The following SEC24D variants were observed in gnomAD, a reference collection of about 807,000 sequenced individuals.
SEC24D encodes the protein protein transport protein Sec24D.
In SEC24D, 69 loss-of-function variants were observed where a neutral mutation model predicts 116.9. The ratio of observed to expected loss-of-function variants is 0.59; its 90% CI spans 0.49 to 0.72. SEC24D has a LOEUF of 0.72. Among genes scored for constraint, SEC24D ranks in the 30% least tolerant of loss-of-function variants. The pLI is 0.00. For missense variants in SEC24D, 1,131 were observed against 1,264.1 expected (o/e 0.89, Z 1.60); for synonymous variants, 405 against 442.8 (o/e 0.91, Z 1.07).
At position 118,815,038 on chromosome 4, in the gene SEC24D, A is replaced by G. The variant is rs1213128293; in HGVS notation, c.791T>C (p.Ile264Thr). Residue 264 changes from isoleucine (I) to threonine (T), a missense_variant, in exon 6 of 23, where the codon ATC becomes ACC. Coordinates refer to ENST00000280551, the MANE Select transcript of SEC24D (RefSeq NM_014822.4). ...GAGAAGAGTACTTACTGGGCTAGGGATAGAGTCAGGATCCAGCTTCTTCTG... is the reference window on the plus strand; with the variant it reads ...GAGAAGAGTACTTACTGGGCTAGGGGTAGAGTCAGGATCCAGCTTCTTCTG... ...QPQKKLDPDSIPSPIQVIEND... is the reference protein window; with the variant it reads ...QPQKKLDPDSTPSPIQVIEND... 6.2e-7 allele frequency: 1 copy of G among 1,613,994 alleles called. No individual in the cohort carries two copies. The highest frequency in any genetic ancestry group is 8.5e-7 in the Non-Finnish European group (1 of 1,179,994).
intron 9 of SEC24D, among the ~76,000 whole-genome samples, chr4:118,765,304 T>C (rs1304850126): frequency 6.6e-6 from 1 of 152,258 alleles, no homozygotes; most frequent in African/African-American, 2.4e-5. Context: ...ATTCGTTATT[T>C]GAACTATACT....
chr4:118,758,441 G>A (rs1277494667), intron 10 of SEC24D: 1 of 152,102 alleles, frequency 6.6e-6, no homozygotes, highest in Non-Finnish European at 1.5e-5. Flanking sequence ...CGGTAACATA[G>A]AACGTCAGGC....
chr4:118,731,224 TTC>T (rs1560602878), intron 21 of SEC24D, 90 bp downstream of exon 21: 5 of 1,016,172 alleles, frequency 4.9e-6, no homozygotes, highest in Middle Eastern at 4.9e-4. Context: ...CTTATTATTT[TTC>T]TTTCTGTAAT....
intron 19 of SEC24D, among the ~76,000 whole-genome samples, chr4:118,734,449 G>A (rs1725855875): frequency 6.6e-6 from 1 of 151,998 alleles, no homozygotes; most frequent in Non-Finnish European, 1.5e-5. Flanking sequence ...CTGACCTCAA[G>A]CAATCCGCCC....
chr4:118,736,021 C>A (rs1300834910), intron 19 of SEC24D: 1 of 72,818 alleles, frequency 1.4e-5, no homozygotes, highest in South Asian at 6.4e-4. Flanking sequence ...AGTTATATGT[C>A]TTTTTTTTTT....
At chr4:118,821,287 G>A (rs2110531597) in intron 3 of SEC24D, among the ~76,000 whole-genome samples, 1 of 152,182 alleles carries the variant, frequency 6.6e-6, no homozygotes, top group Non-Finnish European at 1.5e-5. Context: ...TGGGAAGATG[G>A]GTCCACTGTT....
intron 8 of SEC24D, among the ~76,000 whole-genome samples, chr4:118,768,959 C>A (rs933025808): frequency 6.6e-6 from 1 of 152,152 alleles, no homozygotes; most frequent in Non-Finnish European, 1.5e-5. Context: ...ACATTCTAGA[C>A]AACTTGTGTC....
chr4:118,732,422 G>A (rs1000507704), intron 20 of SEC24D, among the ~76,000 whole-genome samples: 3 of 152,114 alleles, frequency 2.0e-5, no homozygotes, highest in Admixed American at 6.6e-5. Context: ...TTACAGACGT[G>A]AGCCACGGCA....
rs1343774156 is a variant in SEC24D at position 118,764,896 on chromosome 4, T to C, written c.1202A>G (p.His401Arg). Reference protein sequence around the residue: ...VNDVPPFYFQHLDHIGRRLDH... With the variant: ...VNDVPPFYFQRLDHIGRRLDH... ...CAGTCTTCTTCCAATGTGGTCCAGATGTTGGAAATAGAATGGTGGAACTAA... is the reference window on the plus strand; with the variant it reads ...CAGTCTTCTTCCAATGTGGTCCAGACGTTGGAAATAGAATGGTGGAACTAA... Residue 401 changes from histidine to arginine, a missense_variant, in exon 10 of 23, where the codon CAT becomes CGT. Physicochemically the swap from His to Arg is conservative, Grantham distance 29. Coordinates refer to ENST00000280551, the MANE Select transcript of SEC24D (RefSeq NM_014822.4). The C allele has an allele frequency of 6.2e-7, 1 of 1,603,572 alleles. No homozygotes were observed. The highest frequency in any genetic ancestry group is 2.2e-5 in the East Asian group (1 of 44,744).
intron 1 of SEC24D, among the ~76,000 whole-genome samples, chr4:118,835,214 G>A (rs1731041521): frequency 6.6e-6 from 1 of 152,194 alleles, no homozygotes; most frequent in Non-Finnish European, 1.5e-5. Context: ...AGAAAAGAGA[G>A]GCTGAGATGG....
intron 1 of SEC24D, among the ~76,000 whole-genome samples, chr4:118,834,666 A>C (rs2110548067): frequency 6.6e-6 from 1 of 152,328 alleles, no homozygotes; most frequent in South Asian, 2.1e-4. Context: ...GCCATACTTA[A>C]CTGTGTGACA....
intron 8 of SEC24D, among the ~76,000 whole-genome samples, chr4:118,791,254 A>C (rs910891093): frequency 4.5e-4 from 69 of 152,058 alleles, no homozygotes; most frequent in African/African-American, 1.6e-3. Context: ...ACCCAAGGAG[A>C]GATTTCAGAG....
chr4:118,744,873 A>T, intron 14 of SEC24D, 71 bp downstream of exon 14: 1 of 820,298 alleles, frequency 1.2e-6, no homozygotes, highest in Admixed American at 2.1e-5. Flanking sequence ...TTTTTCTTAC[A>T]TGAAGAACAC....
At position 118,731,400 on chromosome 4, in the gene SEC24D, G is replaced by T. The variant is rs79301273; in HGVS notation, c.2784C>A (p.Phe928Leu). 1.5e-3 allele frequency: 2,369 copies of T among 1,614,050 alleles called. 27 individuals are homozygous for T. The African/African-American group carries it at 0.026, about 18-fold the overall frequency. ...GTGGGCTGCTTACTCCCAACCACAG[G>T]AACATGTGTAGACCATTAGCCAGTA... ...IFLLANGLHMFLWLGVSSPPE... is the reference protein window; with the variant it reads ...IFLLANGLHMLLWLGVSSPPE... Residue 928 changes from phenylalanine to leucine, a missense_variant, in exon 21 of 23, where the codon TTC (phenylalanine) becomes TTA (leucine). Phe to Leu is a conservative substitution (Grantham distance 22). Coordinates refer to ENST00000280551, the MANE Select transcript of SEC24D (RefSeq NM_014822.4).
At position 118,824,760 on chromosome 4, in the gene SEC24D, G is replaced by A; in HGVS notation, c.119-11C>T. 1 of 1,571,484 alleles carries A rather than the reference G, an allele frequency of 6.4e-7. No homozygotes were observed. Among genetic ancestry groups the A allele is most frequent in the Non-Finnish European group, 8.6e-7 (1 of 1,164,524 alleles). On this transcript the variant is annotated splice_polypyrimidine_tract_variant and intron_variant, in intron 2 of 22. Coordinates refer to ENST00000280551, the MANE Select transcript of SEC24D (RefSeq NM_014822.4). The stretch of plus-strand genomic sequence containing the variant: ...CTGGCTTCATCATACCTGCAAGAGA[G>A]GGGCATGAATTTAGAAGTGTATTAA...
intron 8 of SEC24D, among the ~76,000 whole-genome samples, chr4:118,779,420 T>A (rs1728296029): frequency 6.6e-6 from 1 of 152,244 alleles, no homozygotes; most frequent in Non-Finnish European, 1.5e-5. Flanking sequence ...GATTTGCATA[T>A]GTTGAACAAG....
In SEC24D at chr4:118,757,779, T is replaced by C; in HGVS notation, c.1363A>G (p.Asn455Asp). The C allele has an allele frequency of 6.2e-7, 1 of 1,612,364 alleles. No homozygotes were observed. Among genetic ancestry groups the C allele is most frequent in the Non-Finnish European group, 8.5e-7 (1 of 1,179,176 alleles). The change falls in exon 11 of 23, where the codon AAT becomes GAT. Residue 455 changes from asparagine (N) to aspartate (D), a missense_variant. Transcript: ENST00000280551. ...TCACATATGAGCTTGACAAGTCCAT[T>C]CTTTATGTTACTATATGAAACATCA... ...MIDVSYSNIK[N>D]GLVKLICEEL... is the part of the protein sequence containing the mutation.
At chr4:118,818,655 A>T (rs1730254476) in intron 3 of SEC24D, among the ~76,000 whole-genome samples, 2 of 152,178 alleles carry the variant, frequency 1.3e-5, no homozygotes, top group Admixed American at 6.5e-5. Context: ...ACCTCTGAAC[A>T]GCTTATTTCT....
In SEC24D at chr4:118,768,285, G is replaced by C; in HGVS notation, c.1068C>G (p.Gly356=). The C allele has an allele frequency of 6.2e-7, 1 of 1,613,462 alleles. No homozygotes were observed. Among genetic ancestry groups the C allele is most frequent in the South Asian group, 1.1e-5 (1 of 91,004 alleles). The change falls in exon 9 of 23, where the codon GGC becomes GGG. Residue 356 remains glycine (G), a synonymous_variant. Transcript: ENST00000280551. ...TGTTGCATCTGACTGGTCCACTCTCGCCGTGATTTACCAAGTAAAGGGGAC... is the reference window on the plus strand; with the variant it reads ...TGTTGCATCTGACTGGTCCACTCTCCCCGTGATTTACCAAGTAAAGGGGAC... The part of the protein sequence containing the change: ...NESPLYLVNH[G]ESGPVRCNRC...
Sources: allele counts gnomAD v4.1 joint callset (sites outside exome capture counted in the v4.1 genomes callset), GRCh38; gene constraint gnomAD v4.1.1; transcripts MANE v1.5; gene names NCBI Gene and HGNC (gene_info 2026-07-23, HGNC 2026-07-21).